Variants in SEC23A observed in about 807,000 individuals in gnomAD.
SEC23A encodes the protein SEC23 homolog A, COPII component.
Under a neutral mutation model 103.7 loss-of-function variants are expected in SEC23A, and 56 were observed. The observed-to-expected ratio is 0.54, with a 90% CI of 0.44 to 0.67. The LOEUF (loss-of-function observed/expected upper bound fraction) is 0.67, where lower values mean the gene tolerates loss of function less well. Among genes scored for constraint, SEC23A ranks in the 30% least tolerant of loss-of-function variants. SEC23A has a pLI of 0.00. For missense variants in SEC23A, 784 were observed against 936.4 expected (o/e 0.84, Z 2.12); for synonymous variants, 281 against 293.0 (o/e 0.96, Z 0.42).
At chr14:39,050,854 G>A (rs569445750) in intron 14 of SEC23A, among the ~76,000 whole-genome samples, 1 of 152,188 alleles carries the variant, frequency 6.6e-6, no homozygotes, top group East Asian at 1.9e-4. Flanking sequence ...CCCTGAAGTT[G>A]GATGCACAAT....
At chr14:39,033,352 AT>A in intron 19 of SEC23A, 24 bp from the exon 20 acceptor site, 1 of 1,447,890 alleles carries the variant, frequency 6.9e-7, no homozygotes, top group Non-Finnish European at 9.7e-7. Flanking sequence ...GATATTTGTT[AT>A]GATTAAAGCA....
chr14:39,040,878 G>C lies in SEC23A; in HGVS notation c.1996C>G (p.Gln666Glu), dbSNP rs1318208043. 1 of 1,613,624 alleles carries C rather than the reference G, an allele frequency of 6.2e-7. No homozygotes were observed. Among genetic ancestry groups the C allele is most frequent in the African/African-American group, 1.3e-5 (1 of 74,886 alleles). Residue 666 changes from glutamine (Q) to glutamate (E), a missense_variant, in exon 18 of 20, where the codon CAG (glutamine) becomes GAG (glutamate). Physicochemically the swap from Gln to Glu is conservative, Grantham distance 29. This residue lies in a region of SEC23A where 101 missense variants were observed against 162.2 expected (regional missense o/e 0.62). Transcript: ENST00000307712. ...ILIYHGETIA[Q>E]WRKSGYQDMP... ...TCCTGGTATCCTGACTTCCGCCACT[G>C]TGCTATGGTCTAATTTTAAAACAAT...
rs538583977 is a variant in SEC23A at position 39,049,734 on chromosome 14, C to T, written c.1660-1005G>A. ...TTGAGGCTACTCTGTAAGCCATGAT[C>T]GTGCCACTGCAAGCCGGCCTGGGAG... On this transcript the variant is annotated intron_variant, in intron 14 of 19. Coordinates refer to ENST00000307712, the MANE Select transcript of SEC23A (RefSeq NM_006364.4). Among the ~76,000 whole-genome samples, 53 of 151,836 alleles carry T rather than the reference C, an allele frequency of 3.5e-4. 1 individual carries two copies. The highest frequency in any genetic ancestry group is 8.2e-4 in the African/African-American group (34 of 41,416).
intron 7 of SEC23A, among the ~76,000 whole-genome samples, chr14:39,077,574 T>G (rs947676498): frequency 6.8e-5 from 10 of 147,138 alleles, no homozygotes; most frequent in Non-Finnish European, 1.1e-4. Context: ...GAGACAAAGA[T>G]AGAGAGAGAG....
intron 19 of SEC23A, among the ~76,000 whole-genome samples, chr14:39,038,165 C>G (rs150133711): frequency 1.3e-5 from 2 of 152,346 alleles, no homozygotes; most frequent in East Asian, 3.9e-4. Flanking sequence ...CCATACTATT[C>G]TCTACCTAGA....
chr14:39,079,366 T>C (rs1019332637), intron 7 of SEC23A, among the ~76,000 whole-genome samples: 2 of 152,244 alleles, frequency 1.3e-5, no homozygotes, highest in Non-Finnish European at 2.9e-5. Flanking sequence ...ATAATCGCTC[T>C]ACTTTATTCC....
At chr14:39,065,630 A>G (rs774215783) in intron 10 of SEC23A, among the ~76,000 whole-genome samples, 2 of 152,152 alleles carry the variant, frequency 1.3e-5, no homozygotes, top group Non-Finnish European at 2.9e-5. Flanking sequence ...CAAACATACA[A>G]TGCTGATTCT....
intron 5 of SEC23A, 76 bp downstream of exon 5, chr14:39,091,401 A>G (rs1887657579): frequency 1.9e-6 from 2 of 1,069,768 alleles, no homozygotes; most frequent in African/African-American, 3.1e-5. Context: ...TTTGTCCTAG[A>G]AACATACAGA....
At chr14:39,036,970 A>G (rs755022754) in intron 19 of SEC23A, among the ~76,000 whole-genome samples, 1 of 152,120 alleles carries the variant, frequency 6.6e-6, no homozygotes, top group Non-Finnish European at 1.5e-5. Flanking sequence ...TCCCTCTTCA[A>G]CTGTCTGCGG....
intron 9 of SEC23A, among the ~76,000 whole-genome samples, chr14:39,073,965 G>C (rs1267478192): frequency 6.6e-6 from 1 of 152,120 alleles, no homozygotes; most frequent in East Asian, 1.9e-4. Flanking sequence ...CTAAGGATGA[G>C]AGGGTGGTGA....
chr14:39,091,196 A>C, intron 5 of SEC23A: 1 of 469,264 alleles, frequency 2.1e-6, no homozygotes, highest in East Asian at 4.3e-5. Context: ...CTTAGCCTTC[A>C]GCATGACTCT....
intron 7 of SEC23A, 73 bp downstream of exon 7, chr14:39,085,689 T>TATATATACAC: frequency 8.4e-7 from 1 of 1,194,444 alleles, no homozygotes; most frequent in Admixed American, 1.9e-5. Context: ...TAATTATATA[T>TATATATACAC]ACACACACAC....
chr14:39,084,501 G>A (rs193169531), intron 7 of SEC23A, among the ~76,000 whole-genome samples: 4 of 152,152 alleles, frequency 2.6e-5, no homozygotes, highest in East Asian at 1.9e-4. Flanking sequence ...AACACTTCAC[G>A]TAGATAAAAT....
rs1475150066 is a variant in SEC23A, at chr14:39,071,492, T to C, written c.1103+2923A>G. ...TGAACCTGGGAGGCAGAGGTTGCAG[T>C]GAGCTGAGATCGCACCACTGCACTC... On this transcript the variant is annotated intron_variant, in intron 9 of 19. Transcript: ENST00000307712. 2.0e-5 allele frequency among the ~76,000 whole-genome samples: 3 copies of C among 152,232 alleles called. No homozygotes were observed. In the South Asian group the frequency reaches 6.2e-4, roughly 32 times the overall value.
chr14:39,077,224 T>C (rs562773633), intron 7 of SEC23A, among the ~76,000 whole-genome samples: 294 of 58,234 alleles, frequency 5.0e-3, no homozygotes, highest in Non-Finnish European at 6.5e-3. Context: ...CAAGACTCCA[T>C]CTCAAAAAAA....
intron 13 of SEC23A, among the ~76,000 whole-genome samples, chr14:39,059,278 T>G (rs1196434071): frequency 1.4e-5 from 1 of 71,826 alleles, no homozygotes; most frequent in Non-Finnish European, 2.6e-5. Flanking sequence ...AGTCCTAGTT[T>G]AAAAAAAAAA....
At chr14:39,066,115 T>G (rs1164798087) in intron 10 of SEC23A, among the ~76,000 whole-genome samples, 1 of 152,030 alleles carries the variant, frequency 6.6e-6, no homozygotes, top group Non-Finnish European at 1.5e-5. Flanking sequence ...CTTTATAGTG[T>G]TTTTATAATT....
At chr14:39,079,869 A>C (rs1203240494) in intron 7 of SEC23A, among the ~76,000 whole-genome samples, 2 of 152,082 alleles carry the variant, frequency 1.3e-5, no homozygotes, top group African/African-American at 4.8e-5. Context: ...TATGGTTAAC[A>C]AATCTAGAGA....
chr14:39,084,389 C>T (rs1043302747), intron 7 of SEC23A, among the ~76,000 whole-genome samples: 7 of 152,270 alleles, frequency 4.6e-5, no homozygotes, highest in Non-Finnish European at 1.0e-4. Flanking sequence ...TACTAAAACT[C>T]CACTTATTGT....
Sources: allele counts gnomAD v4.1 joint callset (sites outside exome capture counted in the v4.1 genomes callset), GRCh38; gene constraint gnomAD v4.1.1; regional missense constraint gnomAD v4.1.1; transcripts MANE v1.5; gene names NCBI Gene and HGNC (gene_info 2026-07-23, HGNC 2026-07-21).